The following ADGRL2 variants were observed in gnomAD, a reference collection of about 807,000 sequenced individuals.
ADGRL2 encodes calcium-independent alpha-latrotoxin receptor 2.
Under a neutral mutation model 157.4 loss-of-function variants are expected in ADGRL2, and 44 were observed. The observed-to-expected ratio is 0.28, with a 90% CI of 0.22 to 0.36. The LOEUF (loss-of-function observed/expected upper bound fraction) is 0.36. Ranked by LOEUF, ADGRL2 falls within the 10% of genes least tolerant of loss-of-function variation. The probability of loss-of-function intolerance (pLI) is 1.00; values close to 1 mark genes in which losing one functional copy is unlikely to be tolerated. For missense variants in ADGRL2, 1,510 were observed against 1,768.9 expected, an observed-to-expected ratio of 0.85 and a Z score of 2.63; for synonymous variants, 585 against 624.7, an observed-to-expected ratio of 0.94 and a Z score of 0.95.
chr1:81,488,658 GATC>G (rs2078561752), intron 2 of ADGRL2, among the ~76,000 whole-genome samples: 1 of 151,954 alleles, frequency 6.6e-6, no homozygotes, highest in South Asian at 2.1e-4. Flanking sequence ...CAGTAAGAAA[GATC>G]ATGCTGCTGC....
chr1:81,546,952 T>C (rs1419960383), intron 2 of ADGRL2, among the ~76,000 whole-genome samples: 1 of 152,234 alleles, frequency 6.6e-6, no homozygotes, highest in Non-Finnish European at 1.5e-5. Flanking sequence ...ATTCATGTTT[T>C]GTTCACTCAA....
At chr1:81,467,877 T>A (rs2078092797) in intron 2 of ADGRL2, among the ~76,000 whole-genome samples, 4 of 152,118 alleles carry the variant, frequency 2.6e-5, no homozygotes, top group Admixed American at 2.6e-4. Flanking sequence ...TGTTATGAAG[T>A]ATAAATTAAT....
intron 1 of ADGRL2, among the ~76,000 whole-genome samples, chr1:81,747,215 G>A (rs1421780829): frequency 6.8e-6 from 1 of 146,708 alleles, no homozygotes; most frequent in African/African-American, 2.5e-5. Flanking sequence ...ATATGTATGT[G>A]TGTATATATG....
At chr1:81,684,136 T>G (rs2083181361) in intron 3 of ADGRL2, among the ~76,000 whole-genome samples, 1 of 152,154 alleles carries the variant, frequency 6.6e-6, no homozygotes, top group Non-Finnish European at 1.5e-5. Flanking sequence ...TCTTTTCCTC[T>G]GGGTAGATAC....
chr1:81,493,004 A>G (rs887094953), intron 2 of ADGRL2, among the ~76,000 whole-genome samples: 8 of 152,226 alleles, frequency 5.3e-5, no homozygotes, highest in African/African-American at 1.7e-4. Flanking sequence ...GAGCAAATAC[A>G]TAAAACTATA....
intron 3 of ADGRL2, among the ~76,000 whole-genome samples, chr1:81,919,347 A>G (rs1572124082): frequency 6.6e-6 from 1 of 152,242 alleles, no homozygotes; most frequent in East Asian, 1.9e-4. Context: ...AAATGGAGGA[A>G]TAAACAGATT....
chr1:81,683,115 A>G (rs1303290901), intron 3 of ADGRL2, among the ~76,000 whole-genome samples: 1 of 152,248 alleles, frequency 6.6e-6, no homozygotes, highest in East Asian at 1.9e-4. Flanking sequence ...CCTGGGTGAC[A>G]GAATGAGACT....
chr1:81,956,147 C>T (rs939587704), intron 11 of ADGRL2, 87 bp downstream of exon 11: 14 of 986,046 alleles, frequency 1.4e-5, no homozygotes, highest in Admixed American at 1.3e-4. Context: ...CTGTTATTTC[C>T]CAGTGCTGTA....
Position 81,691,916 on chromosome 1 carries a change from G to GTA in ADGRL2, c.-142-69894_-142-69893insAT, listed in dbSNP as rs540057849. ...TATATGTATGTGTATATAGATATAT[G>GTA]TGTGTATATATATATACACATACAG... On this transcript the variant is annotated intron_variant, in intron 3 of 24. Transcript: ENST00000370721. 3.9e-4 allele frequency among the ~76,000 whole-genome samples: 48 copies of GTA among 121,864 alleles called. No homozygotes were observed. The East Asian group carries it at 9.1e-3, about 23-fold the overall frequency. The allele number at this position is 121,864 out of a possible 152,430, so 79.9% of individuals were successfully genotyped here.
chr1:81,596,861 TGAGTG>T (rs1249981184), intron 3 of ADGRL2, among the ~76,000 whole-genome samples: 2 of 152,136 alleles, frequency 1.3e-5, no homozygotes, highest in Non-Finnish European at 2.9e-5. Context: ...TTTTGGGTGA[TGAGTG>T]GACACGGCTA....
At chr1:81,459,684 A>G (rs780928629) in intron 2 of ADGRL2, among the ~76,000 whole-genome samples, 2 of 152,014 alleles carry the variant, frequency 1.3e-5, no homozygotes, top group East Asian at 1.9e-4. Context: ...CTTTACATAC[A>G]TACATGTGTA....
At chr1:81,347,128 G>T (rs1313232983) in intron 1 of ADGRL2, among the ~76,000 whole-genome samples, 1 of 152,196 alleles carries the variant, frequency 6.6e-6, no homozygotes, top group Non-Finnish European at 1.5e-5. Flanking sequence ...GTTGGGTGCA[G>T]TGGCTCATGC....
At chr1:81,314,002 G>C (rs952670790) in intron 1 of ADGRL2, among the ~76,000 whole-genome samples, 2 of 152,144 alleles carry the variant, frequency 1.3e-5, no homozygotes, top group African/African-American at 4.8e-5. Context: ...TAAGTGCACT[G>C]TTAGTGTAAT....
intron 1 of ADGRL2, among the ~76,000 whole-genome samples, chr1:81,342,649 C>T (rs1662157445): frequency 6.6e-6 from 1 of 152,180 alleles, no homozygotes; most frequent in African/African-American, 2.4e-5. Flanking sequence ...TTTCAATTTT[C>T]CATTAAGTAA....
At chr1:81,412,520 A>G (rs1169293299) in intron 1 of ADGRL2, among the ~76,000 whole-genome samples, 1 of 152,148 alleles carries the variant, frequency 6.6e-6, no homozygotes, top group African/African-American at 2.4e-5. Flanking sequence ...CTATCATGTC[A>G]TGTATCACAT....
chr1:81,908,509 G>T (rs1489666987), intron 3 of ADGRL2, among the ~76,000 whole-genome samples: 5 of 152,174 alleles, frequency 3.3e-5, no homozygotes, highest in Non-Finnish European at 7.4e-5. Flanking sequence ...AGGACATATA[G>T]GTAGTTTTTA....
chr1:81,422,708 A>G (rs2077147391), intron 1 of ADGRL2, among the ~76,000 whole-genome samples: 1 of 152,228 alleles, frequency 6.6e-6, no homozygotes, highest in Non-Finnish European at 1.5e-5. Context: ...ACTTTGGGCA[A>G]ATTATCAGCT....
chr1:81,686,541 C>T (rs1004352891), intron 3 of ADGRL2, among the ~76,000 whole-genome samples: 4 of 152,208 alleles, frequency 2.6e-5, no homozygotes, highest in Non-Finnish European at 5.9e-5. Context: ...GTTAATCTTG[C>T]TAATGGTGTA....
intron 2 of ADGRL2, among the ~76,000 whole-genome samples, chr1:81,568,763 G>C (rs2080619633): frequency 6.6e-6 from 1 of 151,856 alleles, no homozygotes; most frequent in Non-Finnish European, 1.5e-5. Flanking sequence ...TATGGTTTAG[G>C]CTTTAGCAAA....
Sources: gnomAD v4.1 joint callset for allele counts (sites outside exome capture counted in the v4.1 genomes callset) on GRCh38, gnomAD v4.1.1 for gene constraint, MANE v1.5 for transcripts, NCBI Gene and HGNC (gene_info 2026-07-23, HGNC 2026-07-21) for gene names.